Variants in DLGAP2 observed in about 807,000 individuals in gnomAD.
DLGAP2 encodes DLG associated protein 2, also known as disks large-associated protein 2.
DLGAP2 carries 26 observed loss-of-function variants against 100.3 expected under a neutral mutation model. The observed-to-expected ratio is 0.26, with a 90% CI of 0.19 to 0.36. The LOEUF (loss-of-function observed/expected upper bound fraction) is 0.36, where lower values mean the gene tolerates loss of function less well. Among genes scored for constraint, DLGAP2 ranks in the 10% least tolerant of loss-of-function variants. The pLI is 1.00. For synonymous variants in DLGAP2, 886 were observed against 630.1 expected (o/e 1.41, Z -6.08); for missense variants, 1,858 against 1,453.2 (o/e 1.28, Z -4.53).
rs72507631 is a variant in DLGAP2, at chr8:1,185,873, C to T, written c.74-72978C>T. On this transcript the variant is annotated intron_variant, in intron 2 of 14. Transcript: ENST00000637795. ...CCAATCAGCAGTGACGCCCAACTTG[C>T]CCCACAGAGAACACTCCGGAACTGA... Among the ~76,000 whole-genome samples, 248 of 152,248 alleles carry T rather than the reference C, an allele frequency of 1.6e-3. 4 individuals carry two copies. In the East Asian group the frequency reaches 0.046, roughly 28 times the overall value.
intron 3 of DLGAP2, among the ~76,000 whole-genome samples, chr8:1,293,191 C>G (rs1800098838): frequency 6.6e-6 from 1 of 152,196 alleles, no homozygotes; most frequent in Non-Finnish European, 1.5e-5. Flanking sequence ...CTTTCCATCT[C>G]TTTGTCTTTT....
At chr8:1,186,681 G>T (rs572731522) in intron 2 of DLGAP2, among the ~76,000 whole-genome samples, 28 of 152,050 alleles carry the variant, frequency 1.8e-4, no homozygotes, top group Non-Finnish European at 3.7e-4. Flanking sequence ...ATGGAGGTTG[G>T]GACTGGGGGG....
At chr8:1,505,284 T>C (rs4876074) in intron 4 of DLGAP2, among the ~76,000 whole-genome samples, 104,084 of 152,068 alleles carry the variant, frequency 0.68, 36,830 homozygotes, top group Middle Eastern at 0.79. Flanking sequence ...TGAGTAACTA[T>C]CATTTCCAAA....
rs142967043 is a variant in DLGAP2 at position 1,644,586 on chromosome 8, G to A, written c.1810+11540G>A. Among the ~76,000 whole-genome samples the A allele has an allele frequency of 7.1e-3, 1,078 of 152,334 alleles. 15 individuals are homozygous for A. The highest frequency in any genetic ancestry group is 0.024 in the African/African-American group (1,001 of 41,578). ...TCTGATCAGCGTCTGCACGAAGCAC[G>A]GCTTCTGCTCCTTCCCACTCCCTGA... On this transcript the variant is annotated intron_variant, in intron 8 of 14. Transcript: ENST00000637795.
At chr8:1,074,762 G>T (rs1337572121) in intron 2 of DLGAP2, among the ~76,000 whole-genome samples, 1 of 152,188 alleles carries the variant, frequency 6.6e-6, no homozygotes, top group African/African-American at 2.4e-5. Flanking sequence ...TGATTTTTTA[G>T]AAGTCATCTG....
intron 3 of DLGAP2, among the ~76,000 whole-genome samples, chr8:1,474,955 C>T (rs1326313485): frequency 6.6e-6 from 1 of 152,140 alleles, no homozygotes; most frequent in South Asian, 2.1e-4. Context: ...GCACTATTCG[C>T]AACAGGAAAG....
intron 6 of DLGAP2, among the ~76,000 whole-genome samples, chr8:1,613,434 C>T (rs1797045339): frequency 1.3e-5 from 2 of 151,800 alleles, no homozygotes; most frequent in Non-Finnish European, 2.9e-5. Context: ...GGAGATATAC[C>T]TAAGGCTAGA....
chr8:1,261,565 G>A (rs1379085393), intron 3 of DLGAP2, among the ~76,000 whole-genome samples: 3 of 151,322 alleles, frequency 2.0e-5, no homozygotes, highest in Non-Finnish European at 4.4e-5. Flanking sequence ...GGGGGTGGGA[G>A]GGGGGGCTGG....
At chr8:989,095 C>G (rs1195024569) in intron 2 of DLGAP2, among the ~76,000 whole-genome samples, 1 of 152,204 alleles carries the variant, frequency 6.6e-6, no homozygotes, top group Non-Finnish European at 1.5e-5. Flanking sequence ...TAGTCAGCCT[C>G]CATTGTGACG....
chr8:1,320,945 C>T (rs1563081562), intron 3 of DLGAP2, among the ~76,000 whole-genome samples: 1 of 152,142 alleles, frequency 6.6e-6, no homozygotes, highest in Non-Finnish European at 1.5e-5. Context: ...ATACATGTAT[C>T]TGTGTGTGTG....
chr8:1,537,707 A>T (rs1023284513), intron 4 of DLGAP2, among the ~76,000 whole-genome samples: 6 of 149,402 alleles, frequency 4.0e-5, no homozygotes, highest in African/African-American at 1.2e-4. Context: ...AGATGGAAGG[A>T]TGGATGGATG....
At chr8:1,195,766 C>A (rs890500168) in intron 2 of DLGAP2, among the ~76,000 whole-genome samples, 1 of 152,212 alleles carries the variant, frequency 6.6e-6, no homozygotes, top group Non-Finnish European at 1.5e-5. Flanking sequence ...ACCATCGTTG[C>A]TCACCCAGGA....
intron 3 of DLGAP2, among the ~76,000 whole-genome samples, chr8:1,486,683 T>G (rs1373052730): frequency 6.6e-6 from 1 of 152,218 alleles, no homozygotes; most frequent in Non-Finnish European, 1.5e-5. Context: ...AATAATATCT[T>G]AGCGTTTCAT....
At chr8:1,244,412 A>G (rs1798862873) in intron 2 of DLGAP2, among the ~76,000 whole-genome samples, 1 of 152,244 alleles carries the variant, frequency 6.6e-6, no homozygotes, top group Non-Finnish European at 1.5e-5. Flanking sequence ...GAGGAAAGGC[A>G]AAATATTGTG....
At chr8:903,584 C>T (rs1011182277) in intron 1 of DLGAP2, among the ~76,000 whole-genome samples, 1 of 152,068 alleles carries the variant, frequency 6.6e-6, no homozygotes, top group Non-Finnish European at 1.5e-5. Context: ...ACTGCTGGAC[C>T]CCTGCTTGGT....
chr8:1,633,186 T>A, intron 8 of DLGAP2, 140 bp downstream of exon 8: 2 of 760,806 alleles, frequency 2.6e-6, no homozygotes, highest in Non-Finnish European at 2.1e-6. Flanking sequence ...ATTGCATGTG[T>A]TACACTGTCA....
At chr8:877,267 G>A (rs1370048513) in intron 1 of DLGAP2, among the ~76,000 whole-genome samples, 1 of 152,170 alleles carries the variant, frequency 6.6e-6, no homozygotes, top group African/African-American at 2.4e-5. Context: ...GTTCTTGCCA[G>A]TGATAGTGGT....
At chr8:923,190 C>G (rs1798749348) in intron 2 of DLGAP2, among the ~76,000 whole-genome samples, 1 of 152,098 alleles carries the variant, frequency 6.6e-6, no homozygotes, top group Non-Finnish European at 1.5e-5. Context: ...TGGTCTGTGT[C>G]AGTCTTGGCG....
At chr8:1,698,238 G>A (rs1052491566) in intron 14 of DLGAP2, among the ~76,000 whole-genome samples, 7 of 152,224 alleles carry the variant, frequency 4.6e-5, no homozygotes, top group Non-Finnish European at 1.0e-4. Flanking sequence ...AGTGCACAGG[G>A]TCCACGTAAG....
Sources: allele counts gnomAD v4.1 joint callset (sites outside exome capture counted in the v4.1 genomes callset), GRCh38; gene constraint gnomAD v4.1.1; transcripts MANE v1.5; gene names NCBI Gene and HGNC (gene_info 2026-07-23, HGNC 2026-07-21).